CUX2: variants seen among roughly 807,000 people sequenced by gnomAD.
The protein encoded by CUX2 is homeobox protein cut-like 2.
Under a neutral mutation model 144.8 loss-of-function variants are expected in CUX2, and 40 were observed. That is an observed-to-expected ratio of 0.28 (90% CI 0.21 to 0.36). The LOEUF (loss-of-function observed/expected upper bound fraction) is 0.36, where lower values mean the gene tolerates loss of function less well. Among genes scored for constraint, CUX2 ranks in the 10% least tolerant of loss-of-function variants. The pLI is 1.00. For synonymous variants in CUX2, 827 were observed against 875.6 expected (o/e 0.94, Z 0.98); for missense variants, 1,615 against 1,994.0 (o/e 0.81, Z 3.62).
chr12:111,247,197 G>A (rs571103155), intron 3 of CUX2, among the ~76,000 whole-genome samples: 1 of 152,114 alleles, frequency 6.6e-6, no homozygotes, highest in Admixed American at 6.5e-5. Context: ...AGTCCATAGC[G>A]AGCACCGCAC....
At position 111,322,321 on chromosome 12, in the gene CUX2, CAAAAAAA is replaced by C. The variant is rs147389725; in HGVS notation, c.2767-83_2767-77del. 2.2e-3 allele frequency: 1,675 copies of C among 759,880 alleles called. No homozygotes were observed. The highest frequency in any genetic ancestry group is 0.012 in the East Asian group (362 of 30,212). 47.1% of individuals were successfully genotyped at this position (759,880 alleles called of 1,614,324 possible). ...CGACAGACAAAGCGAGACTCTGCCT[CAAAAAAA>C]AAAAAAAAAAAAAAAAGGTTGGGGA... On this transcript the variant is annotated intron_variant, in intron 17 of 21. Transcript: ENST00000261726. This position sits in a 1 kb window ranked among gnomAD's most constrained non-coding sequence, Gnocchi z 4.2.
At chr12:111,291,155 G>A (rs1272396198) in intron 4 of CUX2, among the ~76,000 whole-genome samples, 3 of 152,080 alleles carry the variant, frequency 2.0e-5, no homozygotes, top group South Asian at 2.1e-4. Flanking sequence ...ATGAGCCACC[G>A]CACCCGGCCT....
At chr12:111,248,686 G>T (rs1003131254) in intron 3 of CUX2, among the ~76,000 whole-genome samples, 3 of 152,162 alleles carry the variant, frequency 2.0e-5, no homozygotes, top group African/African-American at 7.2e-5. Context: ...ATGGGGCCTG[G>T]ACGGGCTCAC....
chr12:111,330,625 G>A (rs977342387), intron 18 of CUX2, among the ~76,000 whole-genome samples: 1 of 144,262 alleles, frequency 6.9e-6, no homozygotes, highest in South Asian at 2.2e-4. Context: ...CTTGAGCCCA[G>A]GAGTTTGATA....
At chr12:111,168,388 A>G (rs1878291693) in intron 1 of CUX2, among the ~76,000 whole-genome samples, 1 of 152,210 alleles carries the variant, frequency 6.6e-6, no homozygotes, top group Admixed American at 6.5e-5. Context: ...AGGGCTGCTC[A>G]GAAGTTTTGG....
chr12:111,124,409 G>A (rs1874906631), intron 1 of CUX2, among the ~76,000 whole-genome samples: 1 of 152,188 alleles, frequency 6.6e-6, no homozygotes, highest in African/African-American at 2.4e-5. Flanking sequence ...AGCCCAGTAA[G>A]GCCTATCTGT....
At chr12:111,206,526 G>T (rs73415967) in intron 1 of CUX2, among the ~76,000 whole-genome samples, 2,515 of 152,282 alleles carry the variant, frequency 0.017, 65 homozygotes, top group African/African-American at 0.057. Flanking sequence ...TTCTCATAGT[G>T]TATGTCGGCA....
intron 8 of CUX2, among the ~76,000 whole-genome samples, chr12:111,297,091 T>G (rs1159996089): frequency 7.6e-6 from 1 of 131,336 alleles, no homozygotes; most frequent in Non-Finnish European, 1.6e-5. Context: ...CTCCAGTACT[T>G]GCCTCCTCCC....
At chr12:111,042,176 C>T (rs887434117) in intron 1 of CUX2, among the ~76,000 whole-genome samples, 5 of 152,348 alleles carry the variant, frequency 3.3e-5, no homozygotes, top group African/African-American at 1.2e-4. Flanking sequence ...CTCTGTGAGC[C>T]GCCGTCGCTC....
chr12:111,094,699 G>C (rs1018696195), intron 1 of CUX2, among the ~76,000 whole-genome samples: 1 of 152,162 alleles, frequency 6.6e-6, no homozygotes, highest in Admixed American at 6.5e-5. Context: ...AGGTCTCACT[G>C]TTTGCCCAGG....
intron 1 of CUX2, among the ~76,000 whole-genome samples, chr12:111,069,976 C>T (rs1407431908): frequency 6.6e-6 from 1 of 152,056 alleles, no homozygotes; most frequent in African/African-American, 2.4e-5. Flanking sequence ...TTAGACAGCC[C>T]CAGGGCCCAG....
intron 3 of CUX2, among the ~76,000 whole-genome samples, chr12:111,232,760 A>C (rs750127019): frequency 2.5e-4 from 38 of 152,182 alleles, no homozygotes; most frequent in Non-Finnish European, 4.3e-4. Flanking sequence ...AGGGAATGGG[A>C]GAAATTTAAT....
intron 18 of CUX2, among the ~76,000 whole-genome samples, chr12:111,327,789 C>T (rs1314410568): frequency 6.6e-6 from 1 of 152,108 alleles, no homozygotes; most frequent in South Asian, 2.1e-4. Context: ...AGGCACAGTG[C>T]GTCACACCTG....
intron 4 of CUX2, among the ~76,000 whole-genome samples, chr12:111,285,014 C>A (rs946064547): frequency 6.6e-6 from 1 of 152,272 alleles, no homozygotes; most frequent in African/African-American, 2.4e-5. Context: ...CCTTTCTCCC[C>A]CAAACCTGTG....
intron 16 of CUX2, among the ~76,000 whole-genome samples, chr12:111,314,827 G>C (rs1341839702): frequency 6.6e-6 from 1 of 151,988 alleles, no homozygotes; most frequent in Non-Finnish European, 1.5e-5. Flanking sequence ...CTGGGTGAGA[G>C]TGAGATGCTG....
rs900792578 is a variant in CUX2 at position 111,308,136 on chromosome 12, C to T, written c.1110-149C>T. On this transcript the variant is annotated intron_variant, in intron 12 of 21. Coordinates refer to ENST00000261726, the MANE Select transcript of CUX2 (RefSeq NM_015267.4). ...TGTTAATGAGCCTGCTACTTCAGGC[C>T]TGGGGTTGCAATGACTCTGGAATTA... The T allele has an allele frequency of 8.1e-6, 7 of 868,578 alleles. No homozygotes were observed. In the African/African-American group the frequency reaches 8.3e-5, roughly 10 times the overall value. The allele number at this position is 868,578 out of a possible 1,614,324, so 53.8% of individuals were successfully genotyped here. A position where few individuals can be genotyped will look rare whatever the true frequency, so the allele number is the denominator to read the frequency against.
At chr12:111,296,243 C>T (rs934375863) in intron 7 of CUX2, among the ~76,000 whole-genome samples, 6 of 152,120 alleles carry the variant, frequency 3.9e-5, no homozygotes, top group East Asian at 1.9e-4. Flanking sequence ...TCATCTGCCC[C>T]GCACTGCCCA....
Position 111,289,736 on chromosome 12 carries a change from A to G in CUX2, c.302-1682A>G, listed in dbSNP as rs1885574851. Among the ~76,000 whole-genome samples, 1 of 152,002 alleles carries G rather than the reference A, an allele frequency of 6.6e-6. No homozygotes were observed. The highest frequency in any genetic ancestry group is 1.5e-5 in the Non-Finnish European group (1 of 67,986). ...CATCTAGATGTGTGTTTTGCCCCCG[A>G]AAAAGTCCTTAACCAACAACGTGTG... On this transcript the variant is annotated intron_variant, in intron 4 of 21. Coordinates refer to ENST00000261726, the MANE Select transcript of CUX2 (RefSeq NM_015267.4). The surrounding 1 kb of genome is among the most constrained non-coding windows in gnomAD (Gnocchi z 4.1).
rs537744885 is a variant in CUX2 at position 111,260,932 on chromosome 12, C to T, written c.223-2829C>T. ...TTCTGGCTGGTCTTTGATAATTCTC[C>T]TTCTAAGACCCATGAGATGAATTGC... On this transcript the variant is annotated intron_variant, in intron 3 of 21. Transcript: ENST00000261726. Among the ~76,000 whole-genome samples, 3 of 152,330 alleles carry T rather than the reference C, an allele frequency of 2.0e-5. No homozygotes were observed. The South Asian group carries it at 6.2e-4, about 32-fold the overall frequency.
Sources: gnomAD v4.1 joint callset for allele counts (sites outside exome capture counted in the v4.1 genomes callset) on GRCh38, gnomAD v4.1.1 for gene constraint, Gnocchi (gnomAD v3.1) non-coding constraint, MANE v1.5 for transcripts, NCBI Gene and HGNC (gene_info 2026-07-23, HGNC 2026-07-21) for gene names.